KMT2C: variants seen among roughly 807,000 people sequenced by gnomAD.
The protein encoded by KMT2C is lysine methyltransferase 2C.
KMT2C carries 88 observed loss-of-function variants against 507.9 expected under a neutral mutation model. That is an observed-to-expected ratio of 0.17 (90% CI 0.15 to 0.21). The LOEUF (loss-of-function observed/expected upper bound fraction) is 0.21, where lower values mean the gene tolerates loss of function less well. Among genes scored for constraint, KMT2C ranks in the 10% least tolerant of loss-of-function variants. The pLI, the probability that KMT2C is intolerant of heterozygous loss-of-function variation, is 1.00. For synonymous variants in KMT2C, 2,049 were observed against 2,080.8 expected, an observed-to-expected ratio of 0.98 and a Z score of 0.42; for missense variants, 4,954 against 5,957.8, an observed-to-expected ratio of 0.83 and a Z score of 5.55.
chr7:152,255,513 T>A (rs2095646041), intron 9 of KMT2C, among the ~76,000 whole-genome samples: 1 of 151,994 alleles, frequency 6.6e-6, no homozygotes, highest in Non-Finnish European at 1.5e-5. Context: ...ATGAGGTTTT[T>A]ATTGGGGCTA....
In KMT2C at chr7:152,138,727, C is replaced by T; in HGVS notation, c.14643+69G>A. The stretch of plus-strand genomic sequence containing the variant: ...ATTGGGAAACAAGTGAGTAAGTGAC[C>T]TGTGTGAGGAGGGAACTATTCGCCC... On this transcript the variant is annotated intron_variant, in intron 58 of 58. Coordinates refer to ENST00000262189, the MANE Select transcript of KMT2C (RefSeq NM_170606.3). This position sits in a 1 kb window ranked among gnomAD's most constrained non-coding sequence, Gnocchi z 4.2. 1.1e-6 allele frequency: 1 copy of T among 930,456 alleles called. No homozygotes were observed. The highest frequency in any genetic ancestry group is 1.7e-6 in the Non-Finnish European group (1 of 598,308). The allele number at this position is 930,456 out of a possible 1,614,324, so 57.6% of individuals were successfully genotyped here. A position where few individuals can be genotyped will look rare whatever the true frequency, so the allele number is the denominator to read the frequency against.
Position 152,252,098 on chromosome 7 carries a change from G to A in KMT2C, c.1470-8C>T, listed in dbSNP as rs2129166587. 1 of 1,576,240 alleles carries A rather than the reference G, an allele frequency of 6.3e-7. No individual in the cohort carries two copies. Among genetic ancestry groups the A allele is most frequent in the Non-Finnish European group, 8.6e-7 (1 of 1,159,804 alleles). ...CACTCTAGGTGAACCCACCTGCAGT[G>A]ATAAGTATACTTAAATAAAAATTTC... is the stretch of plus-strand genomic sequence containing the variant. On this transcript the variant is annotated splice_polypyrimidine_tract_variant and splice_region_variant and intron_variant, in intron 10 of 58. Coordinates refer to ENST00000262189, the MANE Select transcript of KMT2C (RefSeq NM_170606.3).
In KMT2C at chr7:152,181,236, T is replaced by A; in HGVS notation, c.6624A>T (p.Gly2208=). Residue 2208 remains glycine (G), a synonymous_variant, in exon 36 of 59, where the codon GGA becomes GGT. Transcript: ENST00000262189. ...RHSDPYAHPP[G]TPRPGISVPY... is the part of the protein sequence containing the mutation. The stretch of plus-strand genomic sequence containing the variant: ...GGACAGAAATTCCAGGTCTTGGTGT[T>A]CCAGGAGGATGAGCATATGGATCAG... 6.2e-7 allele frequency: 1 copy of A among 1,614,086 alleles called. No individual in the cohort carries two copies. Among genetic ancestry groups the A allele is most frequent in the South Asian group, 1.1e-5 (1 of 91,070 alleles).
At chr7:152,325,954 T>C (rs1204574296) in intron 3 of KMT2C, among the ~76,000 whole-genome samples, 1 of 152,070 alleles carries the variant, frequency 6.6e-6, no homozygotes, top group African/African-American at 2.4e-5. Context: ...TCTAGCACAA[T>C]TGTTGAAAGA....
intron 7 of KMT2C, among the ~76,000 whole-genome samples, chr7:152,272,897 C>G (rs2096004548): frequency 6.6e-6 from 1 of 151,782 alleles, no homozygotes; most frequent in East Asian, 1.9e-4. Flanking sequence ...TGCTAAGGAA[C>G]AGATAAAAGC....
At chr7:152,167,530 G>A in intron 41 of KMT2C, 152 bp from the exon 42 acceptor site, 1 of 585,282 alleles carries the variant, frequency 1.7e-6, no homozygotes, top group Non-Finnish European at 3.0e-6. Flanking sequence ...ATTATGTAAT[G>A]ATAAAATATC....
rs764088147 is a variant in KMT2C at position 152,181,405 on chromosome 7, G to A, written c.6455C>T (p.Ala2152Val). ...AGAGTAAGGGTCTGTATTGGACCTA[G>A]CTGTTCCTGAAGATTGGGAATAAGA... ...VDSYSQSSGTARSNTDPYSQP... is the reference protein window; with the variant it reads ...VDSYSQSSGTVRSNTDPYSQP... The change falls in exon 36 of 59, where the codon GCT (alanine) becomes GTT (valine). Residue 2152 changes from alanine (A) to valine (V), a missense_variant. Ala to Val is a moderately conservative substitution (Grantham distance 64). Transcript: ENST00000262189. 1 of 1,614,070 alleles carries A rather than the reference G, an allele frequency of 6.2e-7. No individual in the cohort carries two copies. Among genetic ancestry groups the A allele is most frequent in the Non-Finnish European group, 8.5e-7 (1 of 1,180,020 alleles).
rs2129129035 is a variant in KMT2C at position 152,194,220 on chromosome 7, C to T, written c.4540+9G>A. On this transcript the variant is annotated intron_variant, in intron 30 of 58. Coordinates refer to ENST00000262189, the MANE Select transcript of KMT2C (RefSeq NM_170606.3). ...ATTTTCATTAACTAGAAAATCAAAA[C>T]ACATTTACCTGGAATTTTATATAAT... 2 of 1,536,280 alleles carry T rather than the reference C, an allele frequency of 1.3e-6. No homozygotes were observed. The highest frequency in any genetic ancestry group is 2.8e-5 in the African/African-American group (2 of 71,258).
intron 14 of KMT2C, 132 bp from the exon 15 acceptor site, chr7:152,238,958 G>C (rs2095334010): frequency 1.0e-5 from 8 of 789,878 alleles, no homozygotes; most frequent in Non-Finnish European, 1.6e-5. Flanking sequence ...ATTGCTTCAA[G>C]GAAGGCAAAA....
intron 2 of KMT2C, among the ~76,000 whole-genome samples, chr7:152,340,167 T>G (rs1048778911): frequency 2.1e-4 from 32 of 149,840 alleles, no homozygotes; most frequent in African/African-American, 7.9e-4. Flanking sequence ...TTTTTTTTTT[T>G]GGTAGAGACA....
rs2129110846 is a variant in KMT2C, at chr7:152,174,171, C to T, written c.9334G>A (p.Ala3112Thr). The change falls in exon 39 of 59, where the codon GCA becomes ACA. Residue 3112 changes from alanine (A) to threonine (T), a missense_variant. Transcript: ENST00000262189. ...VALKGINKVM[A>T]QNNLGMPPMV... The stretch of plus-strand genomic sequence containing the variant: ...GGTGGCATGCCCAGATTGTTTTGTG[C>T]CATCACTTTATTTATACCTTTAAGG... 1 of 1,610,094 alleles carries T rather than the reference C, an allele frequency of 6.2e-7. No homozygotes were observed. Among genetic ancestry groups the T allele is most frequent in the East Asian group, 2.2e-5 (1 of 44,498 alleles).
intron 25 of KMT2C, among the ~76,000 whole-genome samples, chr7:152,204,591 C>CTAGA (rs57456614): frequency 0.066 from 9,506 of 143,402 alleles, 376 homozygotes; most frequent in African/African-American, 0.091. Flanking sequence ...AGTGAGACCC[C>CTAGA]TAGATAGATA....
At chr7:152,285,517 G>A (rs1425956244) in intron 6 of KMT2C, among the ~76,000 whole-genome samples, 1 of 152,356 alleles carries the variant, frequency 6.6e-6, no homozygotes, top group Admixed American at 6.5e-5. Context: ...TATTTATTGG[G>A]TAACAGCATA....
intron 6 of KMT2C, among the ~76,000 whole-genome samples, chr7:152,275,412 C>T (rs111978554): frequency 1.3e-4 from 20 of 152,092 alleles, no homozygotes; most frequent in African/African-American, 4.1e-4. Flanking sequence ...GACGTGGTGG[C>T]GGGCGCCTGT....
intron 3 of KMT2C, among the ~76,000 whole-genome samples, chr7:152,326,831 A>T (rs1233701216): frequency 7.9e-5 from 12 of 152,330 alleles, no homozygotes; most frequent in African/African-American, 2.9e-4. Flanking sequence ...CAGTGAGCTG[A>T]GATCGTGCCA....
At chr7:152,219,399 T>C (rs1236480441) in intron 23 of KMT2C, among the ~76,000 whole-genome samples, 1 of 152,188 alleles carries the variant, frequency 6.6e-6, no homozygotes, top group Non-Finnish European at 1.5e-5. Context: ...CTACCTGCTT[T>C]GTACACTGAT....
chr7:152,392,965 T>C (rs1005992283), intron 1 of KMT2C, among the ~76,000 whole-genome samples: 7 of 152,144 alleles, frequency 4.6e-5, no homozygotes, highest in Non-Finnish European at 7.4e-5. Context: ...TGTGGTGGTA[T>C]GCACCTGTAG....
intron 23 of KMT2C, among the ~76,000 whole-genome samples, chr7:152,218,504 C>G (rs747891888): frequency 1.3e-5 from 2 of 152,034 alleles, no homozygotes; most frequent in Non-Finnish European, 2.9e-5. Flanking sequence ...CCACAATTAC[C>G]TCTCACCTGG....
chr7:152,360,104 A>G (rs551278436), intron 1 of KMT2C, among the ~76,000 whole-genome samples: 1 of 151,612 alleles, frequency 6.6e-6, no homozygotes, highest in Admixed American at 6.6e-5. Context: ...AAATAAAAGA[A>G]TAATATGAAA....
Sources: allele counts gnomAD v4.1 joint callset (sites outside exome capture counted in the v4.1 genomes callset), GRCh38; gene constraint gnomAD v4.1.1; non-coding constraint Gnocchi (gnomAD v3.1); transcripts MANE v1.5; gene names NCBI Gene and HGNC (gene_info 2026-07-23, HGNC 2026-07-21).